Variants in DSCAM observed in about 807,000 individuals in gnomAD.
DSCAM encodes DS cell adhesion molecule.
Under a neutral mutation model 217.7 loss-of-function variants are expected in DSCAM, and 47 were observed. The observed-to-expected ratio is 0.22, with a 90% CI of 0.17 to 0.28. DSCAM has a LOEUF of 0.28. Among genes scored for constraint, DSCAM ranks in the 10% least tolerant of loss-of-function variants. The probability of loss-of-function intolerance (pLI) is 1.00; values close to 1 mark genes in which losing one functional copy is unlikely to be tolerated. For synonymous variants in DSCAM, 1,056 were observed against 1,015.3 expected (o/e 1.04, Z -0.76); for missense variants, 2,080 against 2,618.3 (o/e 0.79, Z 4.49).
chr21:40,376,437 T>TATC (rs1393242507), intron 3 of DSCAM, among the ~76,000 whole-genome samples: 1 of 145,388 alleles, frequency 6.9e-6, no homozygotes, highest in Non-Finnish European at 1.5e-5. Flanking sequence ...GATATCTATA[T>TATC]ATCTTATATA....
intron 11 of DSCAM, among the ~76,000 whole-genome samples, chr21:40,257,028 T>G (rs1367560424): frequency 6.6e-6 from 1 of 152,246 alleles, no homozygotes; most frequent in Non-Finnish European, 1.5e-5. Context: ...GTAACTTTAC[T>G]ACTATGATGT....
At chr21:40,681,409 G>T (rs1355594416) in intron 3 of DSCAM, among the ~76,000 whole-genome samples, 1 of 152,120 alleles carries the variant, frequency 6.6e-6, no homozygotes, top group Non-Finnish European at 1.5e-5. Flanking sequence ...GGGCTGCAGG[G>T]ACCCACAGGA....
At chr21:40,486,929 T>A (rs1354823447) in intron 3 of DSCAM, among the ~76,000 whole-genome samples, 1 of 152,016 alleles carries the variant, frequency 6.6e-6, no homozygotes, top group African/African-American at 2.4e-5. Context: ...CCTTCCTGGG[T>A]GCCAGTCCTG....
chr21:40,311,019 T>A (rs1029943776), intron 9 of DSCAM, among the ~76,000 whole-genome samples: 1 of 152,110 alleles, frequency 6.6e-6, no homozygotes, highest in East Asian at 1.9e-4. Context: ...TGCTGGCAGG[T>A]AGATAAAAAG....
chr21:40,597,074 T>C (rs890187276), intron 3 of DSCAM, among the ~76,000 whole-genome samples: 3 of 152,212 alleles, frequency 2.0e-5, no homozygotes, highest in Non-Finnish European at 2.9e-5. Flanking sequence ...CTAGTTAATT[T>C]TACCAACCCA....
At chr21:40,582,147 A>T (rs546466190) in intron 3 of DSCAM, among the ~76,000 whole-genome samples, 1 of 152,280 alleles carries the variant, frequency 6.6e-6, no homozygotes, top group South Asian at 2.1e-4. Flanking sequence ...AGTCCTGGGG[A>T]CTGTGTATAA....
At chr21:40,561,746 G>A (rs553503231) in intron 3 of DSCAM, among the ~76,000 whole-genome samples, 4 of 151,918 alleles carry the variant, frequency 2.6e-5, no homozygotes, top group Non-Finnish European at 4.4e-5. Flanking sequence ...CAATAATGAC[G>A]AGACCGAGTG....
At chr21:40,153,261 G>A (rs568949543) in intron 16 of DSCAM, among the ~76,000 whole-genome samples, 242 of 152,290 alleles carry the variant, frequency 1.6e-3, no homozygotes, top group African/African-American at 5.3e-3. Context: ...CACAACCAGG[G>A]ACACCTTTGA....
intron 1 of DSCAM, among the ~76,000 whole-genome samples, chr21:40,768,135 A>ATGTTCTT (rs1569027156): frequency 6.6e-6 from 1 of 152,260 alleles, no homozygotes; most frequent in East Asian, 1.9e-4. Flanking sequence ...AGCATAGGCT[A>ATGTTCTT]TAACTTCATT....
At chr21:40,370,255 T>TA (rs77285211) in intron 3 of DSCAM, among the ~76,000 whole-genome samples, 2,903 of 142,764 alleles carry the variant, frequency 0.02, 61 homozygotes, top group African/African-American at 0.059. Context: ...TCTTTTACTT[T>TA]AAAAAAAAAA....
chr21:40,044,481 C>T lies in DSCAM; in HGVS notation c.5186-206G>A, dbSNP rs187646577. Among the ~76,000 whole-genome samples the T allele has an allele frequency of 4.2e-4, 64 of 152,270 alleles. 1 individual carries two copies. The highest frequency in any genetic ancestry group is 4.2e-3 in the Admixed American group (64 of 15,304). ...ATCTGATACTTACGTGTTTAATCAG[C>T]CCTGCAGGGAAAAGAACACCCTACT... On this transcript the variant is annotated intron_variant, in intron 30 of 32. Transcript: ENST00000400454.
rs572000850 is a variant in DSCAM, at chr21:40,081,520, T to C, written c.4232-1180A>G. Among the ~76,000 whole-genome samples, 20 of 152,192 alleles carry C rather than the reference T, an allele frequency of 1.3e-4. No individual in the cohort carries two copies. The South Asian group carries it at 2.1e-3, about 16-fold the overall frequency. Reference sequence around the variant, plus strand: ...GGGTCCCTCCTCCTTCCTGAGCCTTTGTGTTCCTCATCTGACCTCCATAAA... The same window carrying C: ...GGGTCCCTCCTCCTTCCTGAGCCTTCGTGTTCCTCATCTGACCTCCATAAA... On this transcript the variant is annotated intron_variant, in intron 24 of 32. Coordinates refer to ENST00000400454, the MANE Select transcript of DSCAM (RefSeq NM_001389.5).
chr21:40,091,571 G>A (rs1173346950), intron 21 of DSCAM, among the ~76,000 whole-genome samples: 2 of 151,994 alleles, frequency 1.3e-5, no homozygotes, highest in African/African-American at 4.8e-5. Context: ...ACTTACTACA[G>A]TTTGTCTCTA....
chr21:40,710,731 A>C (rs1483607358), intron 1 of DSCAM, among the ~76,000 whole-genome samples: 1 of 152,236 alleles, frequency 6.6e-6, no homozygotes, highest in African/African-American at 2.4e-5. Context: ...TTACAAGTTA[A>C]ATAAAAGATT....
chr21:40,579,128 A>C (rs1401306396), intron 3 of DSCAM, among the ~76,000 whole-genome samples: 1 of 152,006 alleles, frequency 6.6e-6, no homozygotes, highest in Non-Finnish European at 1.5e-5. Context: ...AACAATTCTC[A>C]CACAGACCAC....
chr21:40,062,817 T>G lies in DSCAM; in HGVS notation c.4919+52A>C. The G allele has an allele frequency of 3.3e-6, 5 of 1,511,700 alleles. No individual in the cohort carries two copies. The South Asian group carries it at 5.1e-5, about 15-fold the overall frequency. 93.6% of individuals were successfully genotyped at this position (1,511,700 alleles called of 1,614,324 possible). On this transcript the variant is annotated intron_variant, in intron 28 of 32. Coordinates refer to ENST00000400454, the MANE Select transcript of DSCAM (RefSeq NM_001389.5). ...AAAAATAGAAATCATCAAGGCAAGT[T>G]GGAAATTGTTCTTTCAAACATGATA...
chr21:40,635,590 C>T (rs1021708581), intron 3 of DSCAM, among the ~76,000 whole-genome samples: 1 of 151,408 alleles, frequency 6.6e-6, no homozygotes, highest in Non-Finnish European at 1.5e-5. Context: ...CATGTGTGTG[C>T]ATGTGTGTGT....
chr21:40,470,212 A>T (rs1016471215), intron 3 of DSCAM, among the ~76,000 whole-genome samples: 1 of 152,268 alleles, frequency 6.6e-6, no homozygotes, highest in Non-Finnish European at 1.5e-5. Context: ...TTAATACACA[A>T]AGCTTTTCAG....
At chr21:40,359,003 C>T (rs2074727994) in intron 4 of DSCAM, among the ~76,000 whole-genome samples, 1 of 152,016 alleles carries the variant, frequency 6.6e-6, no homozygotes, top group African/African-American at 2.4e-5. Context: ...AGAAGATACA[C>T]AAATACCTAA....
Sources: gnomAD v4.1 joint callset for allele counts (sites outside exome capture counted in the v4.1 genomes callset) on GRCh38, gnomAD v4.1.1 for gene constraint, MANE v1.5 for transcripts, NCBI Gene and HGNC (gene_info 2026-07-23, HGNC 2026-07-21) for gene names.